ITGB6: variants seen among roughly 807,000 people sequenced by gnomAD.
The protein encoded by ITGB6 is integrin beta-6.
In ITGB6, 80 loss-of-function variants were observed where a neutral mutation model predicts 84.5. The ratio of observed to expected loss-of-function variants is 0.95; its 90% CI spans 0.79 to 1.14. ITGB6 has a LOEUF of 1.14. Among genes scored for constraint, ITGB6 ranks in the 50% most tolerant of loss-of-function variants. ITGB6 has a pLI of 0.00. For missense variants in ITGB6, 1,006 were observed against 968.0 expected (o/e 1.04, Z -0.52); for synonymous variants, 383 against 354.9 (o/e 1.08, Z -0.89).
At chr2:160,189,535 T>C (rs1358890855) in intron 4 of ITGB6, among the ~76,000 whole-genome samples, 1 of 152,086 alleles carries the variant, frequency 6.6e-6, no homozygotes, top group African/African-American at 2.4e-5. Context: ...CATCAAAAAG[T>C]GGGCGAAGGA....
At chr2:160,140,431 C>T (rs1431628655) in intron 8 of ITGB6, among the ~76,000 whole-genome samples, 1 of 152,178 alleles carries the variant, frequency 6.6e-6, no homozygotes, top group Non-Finnish European at 1.5e-5. Flanking sequence ...GCTGCTCTTA[C>T]TGGAGGGGGA....
In ITGB6 at chr2:160,199,270, C is replaced by T. The variant is rs936548384; in HGVS notation, c.62-12G>A. On this transcript the variant is annotated splice_polypyrimidine_tract_variant and intron_variant, in intron 1 of 14. Coordinates refer to ENST00000283249, the MANE Select transcript of ITGB6 (RefSeq NM_000888.5). ...CAGGGCACAGCCACCTAGGTTTAGA[C>T]CCAGCAAGATGCAGGGATTAAGTAC... is the stretch of plus-strand genomic sequence containing the variant. The T allele has an allele frequency of 3.7e-6, 6 of 1,609,844 alleles. No homozygotes were observed. The highest frequency in any genetic ancestry group is 5.1e-6 in the Non-Finnish European group (6 of 1,176,310).
At chr2:160,162,118 A>G (rs1684840289) in intron 7 of ITGB6, among the ~76,000 whole-genome samples, 1 of 152,228 alleles carries the variant, frequency 6.6e-6, no homozygotes, top group African/African-American at 2.4e-5. Flanking sequence ...TGGCAGATGA[A>G]CCAATAGATA....
At chr2:160,123,630 T>C (rs1010394848) in intron 12 of ITGB6, among the ~76,000 whole-genome samples, 161 bp downstream of exon 12, 2 of 152,150 alleles carry the variant, frequency 1.3e-5, no homozygotes, top group Admixed American at 1.3e-4. Context: ...GTTTCTAGTC[T>C]TATAGGATGC....
chr2:160,186,317 A>G (rs1190338733), intron 4 of ITGB6, among the ~76,000 whole-genome samples: 1 of 152,074 alleles, frequency 6.6e-6, no homozygotes, highest in Admixed American at 6.5e-5. Flanking sequence ...ATATGAACAG[A>G]CACTTCTCAA....
At chr2:160,129,314 G>A (rs1247644385) in intron 10 of ITGB6, among the ~76,000 whole-genome samples, 1 of 148,172 alleles carries the variant, frequency 6.7e-6, no homozygotes, top group Non-Finnish European at 1.5e-5. Context: ...CCTGCCATGC[G>A]CAAGACACTA....
chr2:160,143,840 T>A (rs997784838), intron 7 of ITGB6, among the ~76,000 whole-genome samples: 2 of 152,162 alleles, frequency 1.3e-5, no homozygotes, highest in East Asian at 1.9e-4. Context: ...GCTAGGGCAA[T>A]GTTAGAACAC....
intron 10 of ITGB6, among the ~76,000 whole-genome samples, chr2:160,128,263 G>C (rs1332179042): frequency 7.8e-6 from 1 of 127,874 alleles, no homozygotes; most frequent in Admixed American, 8.8e-5. Flanking sequence ...GAAAGATACG[G>C]GTAGACAATA....
intron 8 of ITGB6, among the ~76,000 whole-genome samples, chr2:160,139,656 A>G (rs2105821761): frequency 6.6e-6 from 1 of 152,334 alleles, no homozygotes; most frequent in South Asian, 2.1e-4. Flanking sequence ...GCATATTGCA[A>G]ATTTGACCAG....
At chr2:160,162,419 A>T (rs978089009) in intron 7 of ITGB6, among the ~76,000 whole-genome samples, 72 of 152,086 alleles carry the variant, frequency 4.7e-4, no homozygotes, top group African/African-American at 1.7e-3. Context: ...AGCACAAAAA[A>T]CAAATGTGAG....
At chr2:160,181,110 A>T in intron 4 of ITGB6, among the ~76,000 whole-genome samples, 1 of 152,034 alleles carries the variant, frequency 6.6e-6, no homozygotes, top group East Asian at 1.9e-4. Flanking sequence ...TTCATACCCC[A>T]GTGGCGCTTG....
chr2:160,111,028 G>A (rs1044408940), intron 13 of ITGB6, among the ~76,000 whole-genome samples: 4 of 152,074 alleles, frequency 2.6e-5, no homozygotes, highest in Admixed American at 2.0e-4. Context: ...GCATCTGTGC[G>A]TGCTCTGCAG....
rs899568376 is a variant in ITGB6, at chr2:160,101,553, C to A, written c.*183G>T. 5.1e-6 allele frequency: 3 copies of A among 589,576 alleles called. No homozygotes were observed. Among genetic ancestry groups the A allele is most frequent in the Non-Finnish European group, 8.9e-6 (3 of 335,734 alleles). 36.5% of individuals were successfully genotyped at this position (589,576 alleles called of 1,614,324 possible). On this transcript the variant is annotated 3_prime_UTR_variant, in exon 15 of 15. Coordinates refer to ENST00000283249, the MANE Select transcript of ITGB6 (RefSeq NM_000888.5). ...AGTCATCTCTTTGCTAAGGATATTTCTCTTCTTGATTATTTTGAAACTGCC... is the reference window on the plus strand; with the variant it reads ...AGTCATCTCTTTGCTAAGGATATTTATCTTCTTGATTATTTTGAAACTGCC...
chr2:160,159,598 C>T (rs1202658514), intron 7 of ITGB6, among the ~76,000 whole-genome samples: 1 of 152,152 alleles, frequency 6.6e-6, no homozygotes, highest in Non-Finnish European at 1.5e-5. Flanking sequence ...CGCTCCATCT[C>T]CTTCTACCCC....
In ITGB6 at chr2:160,101,503, T is replaced by G. The variant is rs1696718786; in HGVS notation, c.*233A>C. ...TTTTTGAAGCATTAATGCAACAGAG[T>G]TAGTATTCCTCAAATGATCCCCAAA... On this transcript the variant is annotated 3_prime_UTR_variant, in exon 15 of 15. Transcript: ENST00000283249. 2.2e-6 allele frequency: 1 copy of G among 455,014 alleles called. No individual in the cohort carries two copies. Among genetic ancestry groups the G allele is most frequent in the South Asian group, 2.8e-5 (1 of 35,704 alleles). 28.2% of individuals were successfully genotyped at this position (455,014 alleles called of 1,614,324 possible). A position where few individuals can be genotyped will look rare whatever the true frequency, so the allele number is the denominator to read the frequency against.
At chr2:160,119,481 G>A (rs1682933842) in intron 12 of ITGB6, among the ~76,000 whole-genome samples, 1 of 151,838 alleles carries the variant, frequency 6.6e-6, no homozygotes, top group South Asian at 2.1e-4. Flanking sequence ...AGCTGAAACT[G>A]GATCCCTTCC....
chr2:160,137,304 G>T, intron 10 of ITGB6, 130 bp downstream of exon 10: 1 of 833,402 alleles, frequency 1.2e-6, no homozygotes, highest in Non-Finnish European at 1.9e-6. Flanking sequence ...GTTACCCTAG[G>T]TCTAAGGCTG....
At chr2:160,142,850 C>A (rs575300850) in intron 7 of ITGB6, among the ~76,000 whole-genome samples, 2 of 152,144 alleles carry the variant, frequency 1.3e-5, no homozygotes, top group African/African-American at 4.8e-5. Flanking sequence ...ATTTCCCCAC[C>A]CTGGAGTTTT....
intron 7 of ITGB6, among the ~76,000 whole-genome samples, chr2:160,164,588 C>T (rs1002334949): frequency 3.3e-5 from 5 of 151,888 alleles, no homozygotes; most frequent in Non-Finnish European, 7.4e-5. Context: ...CCTAGCTACT[C>T]GGGAGGCTAG....
Sources: gnomAD v4.1 joint callset for allele counts (sites outside exome capture counted in the v4.1 genomes callset) on GRCh38, gnomAD v4.1.1 for gene constraint, MANE v1.5 for transcripts, NCBI Gene and HGNC (gene_info 2026-07-23, HGNC 2026-07-21) for gene names.